Variants in BPIFB3 observed in about 807,000 individuals in gnomAD.
The protein encoded by BPIFB3 is BPI fold containing family B member 3.
Under a neutral mutation model 53.1 loss-of-function variants are expected in BPIFB3, and 49 were observed. The observed-to-expected ratio is 0.92, with a 90% CI of 0.73 to 1.17. BPIFB3 has a LOEUF of 1.17. BPIFB3 is among the 50% of genes most tolerant of loss of function. The pLI is 0.00. For missense variants in BPIFB3, 628 were observed against 592.5 expected (o/e 1.06, Z -0.62); for synonymous variants, 271 against 269.6 (o/e 1.01, Z -0.05).
intron 8 of BPIFB3, 152 bp downstream of exon 9, chr20:33,064,997 G>C (rs1980615879): frequency 1.2e-6 from 1 of 845,942 alleles, no homozygotes; most frequent in Non-Finnish European, 1.8e-6. Flanking sequence ...GTACACTGCT[G>C]TTCTCCACTC....
chr20:33,061,647 A>G (rs1444170926), intron 4 of BPIFB3, 121 bp from the exon 6 acceptor site: 3 of 983,256 alleles, frequency 3.1e-6, no homozygotes, highest in East Asian at 5.4e-5. Flanking sequence ...AGCCGCAGTC[A>G]ACACCACCCC....
chr20:33,063,797 C>A, intron 6 of BPIFB3, 122 bp downstream of exon 7: 1 of 997,380 alleles, frequency 1.0e-6, no homozygotes, highest in East Asian at 2.6e-5. Context: ...AGTTCCTCCT[C>A]ACACTGACAG....
intron 9 of BPIFB3, 68 bp from the exon 11 acceptor site, chr20:33,068,735 A>C (rs915695558): frequency 2.0e-6 from 3 of 1,508,768 alleles, no homozygotes; most frequent in African/African-American, 2.7e-5. Context: ...GTGCTTAGTG[A>C]GTGTTTGCTG....
chr20:33,060,747 T>C (rs1300960407), intron 4 of BPIFB3, among the ~76,000 whole-genome samples: 2 of 152,142 alleles, frequency 1.3e-5, no homozygotes, highest in Non-Finnish European at 2.9e-5. Flanking sequence ...GTATTTTTAA[T>C]AGAGACGGGG....
intron 12 of BPIFB3, 68 bp downstream of exon 13, chr20:33,071,363 TG>T: frequency 6.6e-7 from 1 of 1,515,830 alleles, no homozygotes. Context: ...GGAAAGGGGG[TG>T]GCCATGAGTC....
At position 33,064,816 on chromosome 20, in the gene BPIFB3, G is replaced by T. The variant is rs200406115; in HGVS notation, c.895G>T (p.Ala299Ser). The T allele has an allele frequency of 8.1e-6, 13 of 1,613,382 alleles. No homozygotes were observed. The Admixed American group carries it at 1.7e-4, about 21-fold the overall frequency. Residue 299 changes from alanine to serine, a missense_variant, in exon 8 of 15, where the codon GCC (alanine) becomes TCC (serine). Ala to Ser is a moderately conservative substitution (Grantham distance 99, BLOSUM62 1). Coordinates refer to ENST00000375494, the Ensembl canonical transcript of BPIFB3. ...GTTTGGACTCCTGCAGACCAACGGCGCCCTCGACATGGACATCACCCCTGA... is the reference window on the plus strand; with the variant it reads ...GTTTGGACTCCTGCAGACCAACGGCTCCCTCGACATGGACATCACCCCTGA...
At chr20:33,055,893 G>C (rs1360100920) in intron 1 of BPIFB3, among the ~76,000 whole-genome samples, 1 of 152,168 alleles carries the variant, frequency 6.6e-6, no homozygotes, top group Non-Finnish European at 1.5e-5. Context: ...TAAGGGAACT[G>C]TACTTGGCAT....
chr20:33,064,802 T>C (rs750153241), exon 8 of BPIFB3: 3 of 1,614,002 alleles, frequency 1.9e-6, no homozygotes, highest in Admixed American at 3.3e-5. Flanking sequence ...TTTGGACTCC[T>C]GCAGACCAAC....
chr20:33,066,747 G>A (rs1366291959), intron 8 of BPIFB3, 77 bp from the exon 10 acceptor site: 1 of 1,445,416 alleles, frequency 6.9e-7, no homozygotes, highest in Non-Finnish European at 9.7e-7. Context: ...AGTGGTGAAC[G>A]AAACTGCTCT....
intron 2 of BPIFB3, 114 bp downstream of exon 3, chr20:33,056,812 G>C (rs1024584183): frequency 3.1e-6 from 4 of 1,304,460 alleles, no homozygotes; most frequent in African/African-American, 3.0e-5. Context: ...GTGTGGGAGG[G>C]TTGTGATCCG....
intron 6 of BPIFB3, 102 bp from the exon 8 acceptor site, chr20:33,064,355 G>A: frequency 1.1e-6 from 1 of 919,610 alleles, no homozygotes; most frequent in Admixed American, 2.0e-5. Flanking sequence ...ATGCTTAGTA[G>A]AGTGCTAGGC....
chr20:33,070,497 A>C (rs1980840868), intron 11 of BPIFB3, among the ~76,000 whole-genome samples: 1 of 152,232 alleles, frequency 6.6e-6, no homozygotes, highest in African/African-American at 2.4e-5. Flanking sequence ...ACAGTTTGCA[A>C]AACGCCGTGC....
At chr20:33,061,532 G>C (rs926510570) in intron 4 of BPIFB3, among the ~76,000 whole-genome samples, 1 of 152,128 alleles carries the variant, frequency 6.6e-6, no homozygotes, top group East Asian at 1.9e-4. Flanking sequence ...CATGTAACCC[G>C]GGCAGCAGCA....
rs73904449 is a variant in BPIFB3, at chr20:33,065,992, G to A, written c.925-832G>A. Among the ~76,000 whole-genome samples, 1,500 of 152,294 alleles carry A rather than the reference G, an allele frequency of 9.8e-3. 22 individuals carry two copies. The highest frequency in any genetic ancestry group is 0.035 in the African/African-American group (1,445 of 41,558). On this transcript the variant is annotated intron_variant, in intron 8 of 14. Coordinates refer to ENST00000375494, the Ensembl canonical transcript of BPIFB3. ...GAACGTGCATGTCTGAGCGGCCTGC[G>A]GATGTGGGTGTGTGTATAGGAGCAT... is the stretch of plus-strand genomic sequence containing the variant.
intron 8 of BPIFB3, among the ~76,000 whole-genome samples, chr20:33,065,491 A>G (rs555527695): frequency 1.3e-5 from 2 of 152,094 alleles, no homozygotes; most frequent in East Asian, 3.9e-4. Flanking sequence ...AGTGTGGGCC[A>G]CAGAATGAGA....
chr20:33,058,221 G>A (rs886123048), intron 2 of BPIFB3, among the ~76,000 whole-genome samples: 1 of 152,340 alleles, frequency 6.6e-6, no homozygotes. Context: ...GGAGGCAATG[G>A]GGTACTGGGA....
intron 2 of BPIFB3, among the ~76,000 whole-genome samples, chr20:33,058,928 A>G (rs1980325400): frequency 6.6e-6 from 1 of 152,146 alleles, no homozygotes; most frequent in Admixed American, 6.5e-5. Flanking sequence ...AAAGACCCAG[A>G]GGACAGAGAG....
chr20:33,060,085 C>T (rs1044101221), intron 4 of BPIFB3, 54 bp downstream of exon 5: 4 of 1,581,926 alleles, frequency 2.5e-6, no homozygotes, highest in African/African-American at 2.7e-5. Context: ...TCATCTCGCA[C>T]CCATCTGGGC....
At chr20:33,068,721 G>C (rs865922686) in intron 9 of BPIFB3, 82 bp from the exon 11 acceptor site, 8 of 1,431,088 alleles carry the variant, frequency 5.6e-6, no homozygotes, top group Middle Eastern at 1.8e-4. Context: ...CCAGTGCCTG[G>C]TAGGTGCTTA....
Sources: gnomAD v4.1 joint callset for allele counts (sites outside exome capture counted in the v4.1 genomes callset) on GRCh38, gnomAD v4.1.1 for gene constraint, MANE v1.5 for transcripts, NCBI Gene and HGNC (gene_info 2026-07-23, HGNC 2026-07-21) for gene names.